Variants in P2RY12 observed in about 807,000 individuals in gnomAD.
P2RY12 encodes the protein purinergic receptor P2Y12.
Under a neutral mutation model 4.5 loss-of-function variants are expected in P2RY12, and 3 were observed. That is an observed-to-expected ratio of 0.67 (90% confidence interval 0.31 to 1.74). The LOEUF (loss-of-function observed/expected upper bound fraction) is 1.74, where lower values mean the gene tolerates loss of function less well. Among genes scored for constraint, P2RY12 ranks in the 40% most tolerant of loss-of-function variants. The pLI, the probability that P2RY12 is intolerant of heterozygous loss-of-function variation, is 0.09. For missense variants in P2RY12, 356 were observed against 407.8 expected, an observed-to-expected ratio of 0.87 and a Z score of 1.09; for synonymous variants, 148 against 154.1, an observed-to-expected ratio of 0.96 and a Z score of 0.29.
At position 151,365,973 on chromosome 3, in the gene P2RY12, T is replaced by C. The variant is rs781069095; in HGVS notation, c.-180+18719A>G. 6 of 1,610,862 alleles carry C rather than the reference T, an allele frequency of 3.7e-6. No individual in the cohort carries two copies. In the South Asian group the frequency reaches 5.5e-5, roughly 15 times the overall value. On this transcript the variant is annotated intron_variant, in intron 1 of 2. Coordinates refer to ENST00000302632, the MANE Select transcript of P2RY12 (RefSeq NM_022788.5). ...CAAATCACGTGTGGGGGTTTAATGA[T>C]GTACTTTGCACTGTAGATGTAAGTT...
intron 1 of P2RY12, among the ~76,000 whole-genome samples, chr3:151,353,844 T>C (rs1403920697): frequency 6.6e-6 from 1 of 152,158 alleles, no homozygotes; most frequent in Non-Finnish European, 1.5e-5. Flanking sequence ...CTTTAACTAC[T>C]TAGAATCACA....
intron 1 of P2RY12, among the ~76,000 whole-genome samples, chr3:151,343,158 C>T (rs1752088295): frequency 6.6e-6 from 1 of 152,094 alleles, no homozygotes; most frequent in Admixed American, 6.6e-5. Context: ...AAAATAAGGA[C>T]CATACTCTCC....
At chr3:151,367,849 G>C in intron 1 of P2RY12, 6 of 1,458,718 alleles carry the variant, frequency 4.1e-6, no homozygotes, top group Non-Finnish European at 5.6e-6. Flanking sequence ...ACAGGGAAAG[G>C]AGTATTTGAG....
intron 1 of P2RY12, among the ~76,000 whole-genome samples, chr3:151,373,561 T>TG (rs1553800429): frequency 6.7e-5 from 7 of 104,412 alleles, no homozygotes; most frequent in Admixed American, 8.8e-5. Flanking sequence ...AAAATGGTGG[T>TG]TTTTTTTTTT....
chr3:151,368,702 T>G (rs1436450663), intron 1 of P2RY12, among the ~76,000 whole-genome samples: 1,955 of 63,022 alleles, frequency 0.031, 109 homozygotes, highest in African/African-American at 0.15. Context: ...TTCATTTCAT[T>G]TCATTTCATT....
intron 1 of P2RY12, among the ~76,000 whole-genome samples, chr3:151,366,155 G>T (rs1236461192): frequency 2.0e-5 from 3 of 152,002 alleles, no homozygotes; most frequent in Admixed American, 2.0e-4. Flanking sequence ...CATTGCCAGG[G>T]ATTAAATACA....
At position 151,338,685 on chromosome 3, in the gene P2RY12, C is replaced by A; in HGVS notation, c.161G>T (p.Arg54Leu). ...AAAAATAATAAAGTTTGATTTACTC[C>A]GGATTTGAAAGAAAATCCTCATCGC... ...GLAMRIFFQIRSKSNFIIFLK... is the reference protein window; with the variant it reads ...GLAMRIFFQILSKSNFIIFLK... The change falls in exon 3 of 3, where the codon CGG (arginine) becomes CTG (leucine). Residue 54 changes from arginine to leucine, a missense_variant. Physicochemically the swap from Arg to Leu is moderately radical, Grantham distance 102. Coordinates refer to ENST00000302632, the MANE Select transcript of P2RY12 (RefSeq NM_022788.5). 6.2e-7 allele frequency: 1 copy of A among 1,613,476 alleles called. No individual in the cohort carries two copies. Among genetic ancestry groups the A allele is most frequent in the Non-Finnish European group, 8.5e-7 (1 of 1,179,834 alleles).
At position 151,370,270 on chromosome 3, in the gene P2RY12, A is replaced by G. The variant is rs185297847; in HGVS notation, c.-180+14422T>C. On this transcript the variant is annotated intron_variant, in intron 1 of 2. Coordinates refer to ENST00000302632, the MANE Select transcript of P2RY12 (RefSeq NM_022788.5). ...AGGAAGTCTTCAAGTCAGACTGCCTAATTCCAACTTTGGGTACCTTCTTTT... is the reference window on the plus strand; with the variant it reads ...AGGAAGTCTTCAAGTCAGACTGCCTGATTCCAACTTTGGGTACCTTCTTTT... Among the ~76,000 whole-genome samples, 140 of 152,300 alleles carry G rather than the reference A, an allele frequency of 9.2e-4. 1 individual carries two copies. Among genetic ancestry groups the G allele is most frequent in the Middle Eastern group, 6.8e-3 (2 of 294 alleles).
At position 151,337,407 on chromosome 3, in the gene P2RY12, C is replaced by T. The variant is rs1470844134; in HGVS notation, c.*410G>A. On this transcript the variant is annotated 3_prime_UTR_variant, in exon 3 of 3. Coordinates refer to ENST00000302632, the MANE Select transcript of P2RY12 (RefSeq NM_022788.5). ...TAGGATATATATACATTTTAACTAT[C>T]ATTTTTGGTAAGAAGATTATATCCA... 1 of 186,930 alleles carries T rather than the reference C, an allele frequency of 5.3e-6. No homozygotes were observed. Among genetic ancestry groups the T allele is most frequent in the African/African-American group, 2.4e-5 (1 of 41,674 alleles). 11.6% of individuals were successfully genotyped at this position (186,930 alleles called of 1,614,324 possible).
At chr3:151,342,853 A>T (rs962258979) in intron 1 of P2RY12, among the ~76,000 whole-genome samples, 1 of 152,192 alleles carries the variant, frequency 6.6e-6, no homozygotes, top group African/African-American at 2.4e-5. Flanking sequence ...AATTGTCAAT[A>T]TTTAATTTCT....
chr3:151,347,925 A>G (rs1415655128), intron 1 of P2RY12, among the ~76,000 whole-genome samples: 1 of 152,122 alleles, frequency 6.6e-6, no homozygotes, highest in Admixed American at 6.5e-5. Flanking sequence ...TCTTACCCCA[A>G]GCTTGGGCTA....
At chr3:151,353,189 A>G (rs1753455374) in intron 1 of P2RY12, among the ~76,000 whole-genome samples, 1 of 152,246 alleles carries the variant, frequency 6.6e-6, no homozygotes, top group Non-Finnish European at 1.5e-5. Flanking sequence ...TGTTGTTATT[A>G]TTTGTTTTGT....
In P2RY12 at chr3:151,338,303, C is replaced by T. The variant is rs751218750; in HGVS notation, c.543G>A (p.Glu181=). The T allele has an allele frequency of 1.3e-4, 216 of 1,614,074 alleles. No homozygotes were observed. In the East Asian group the frequency reaches 4.6e-3, roughly 35 times the overall value. The change falls in exon 3 of 3, where the codon GAG becomes GAA. Residue 181 remains glutamate (E), a synonymous_variant. Transcript: ENST00000302632. ...NVKKCSFLKS[E]FGLVWHEIVN... ...CTATTTCATGCCAGACTAGACCGAA[C>T]TCTGATTTAAGGAAAGAGCATTTCT... is the stretch of plus-strand genomic sequence containing the variant.
chr3:151,363,957 G>A (rs909146178), intron 1 of P2RY12, among the ~76,000 whole-genome samples: 7 of 152,082 alleles, frequency 4.6e-5, no homozygotes, highest in Non-Finnish European at 7.4e-5. Context: ...ATCTTCGAGG[G>A]ACTCATTCCT....
chr3:151,379,687 C>CAT (rs1711895232), intron 1 of P2RY12, among the ~76,000 whole-genome samples: 1 of 152,122 alleles, frequency 6.6e-6, no homozygotes, highest in South Asian at 2.1e-4. Flanking sequence ...GCTCAACAGA[C>CAT]ATATATATAG....
At chr3:151,377,033 A>C (rs747417746) in intron 1 of P2RY12, 2 of 1,614,104 alleles carry the variant, frequency 1.2e-6, no homozygotes, top group Non-Finnish European at 1.7e-6. Context: ...ACTGGACAAT[A>C]TTGCAAAGGC....
intron 1 of P2RY12, chr3:151,357,084 T>A (rs985485796): frequency 3.7e-5 from 31 of 835,590 alleles, no homozygotes; most frequent in African/African-American, 2.4e-4. Flanking sequence ...TTAAAAATTT[T>A]AAAAAAGTTA....
chr3:151,347,856 GT>G (rs1239552069), intron 1 of P2RY12, among the ~76,000 whole-genome samples: 1 of 152,140 alleles, frequency 6.6e-6, no homozygotes, highest in Non-Finnish European at 1.5e-5. Flanking sequence ...GTTTAGAAAG[GT>G]TTATTATTCG....
chr3:151,346,121 T>C (rs1349186588), intron 1 of P2RY12, among the ~76,000 whole-genome samples: 1 of 152,202 alleles, frequency 6.6e-6, no homozygotes, highest in Non-Finnish European at 1.5e-5. Context: ...CAAGGAATGA[T>C]TTGAGCTTCT....
Sources: gnomAD v4.1 joint callset for allele counts (sites outside exome capture counted in the v4.1 genomes callset) on GRCh38, gnomAD v4.1.1 for gene constraint, MANE v1.5 for transcripts, NCBI Gene and HGNC (gene_info 2026-07-23, HGNC 2026-07-21) for gene names.